SRM: variants seen among roughly 807,000 people sequenced by gnomAD.
The protein encoded by SRM is spermidine synthase, also known as putrescine aminopropyltransferase.
Under a neutral mutation model 39.3 loss-of-function variants are expected in SRM, and 14 were observed. The ratio of observed to expected loss-of-function variants is 0.36; its 90% CI spans 0.24 to 0.56. The LOEUF is 0.56. Among genes scored for constraint, SRM ranks in the 20% least tolerant of loss-of-function variants. The pLI is 0.86. For missense variants in SRM, 244 were observed against 409.2 expected (o/e 0.60, Z 3.48); for synonymous variants, 195 against 173.1 (o/e 1.13, Z -0.99).
At position 11,054,600 on chromosome 1, in the gene SRM, T is replaced by C. The variant is rs1043216058; in HGVS notation, c.*265A>G. Reference sequence around the variant, plus strand: ...ACAGGACTCCAATCTTTGCTATAAATACACGTGTTTGGTGAGTGAGGGGCA... The same window carrying C: ...ACAGGACTCCAATCTTTGCTATAAACACACGTGTTTGGTGAGTGAGGGGCA... On this transcript the variant is annotated 3_prime_UTR_variant, in exon 8 of 8. Transcript: ENST00000376957. The surrounding 1 kb of genome is among the most constrained non-coding windows in gnomAD (Gnocchi z 4.8). 13 of 521,940 alleles carry C rather than the reference T, an allele frequency of 2.5e-5. No homozygotes were observed. The highest frequency in any genetic ancestry group is 2.2e-4 in the Admixed American group (6 of 27,572). The allele number at this position is 521,940 out of a possible 1,614,324, so 32.3% of individuals were successfully genotyped here. A position where few individuals can be genotyped will look rare whatever the true frequency, so the allele number is the denominator to read the frequency against.
At chr1:11,057,330 T>C (rs1638896989) in intron 3 of SRM, among the ~76,000 whole-genome samples, 1 of 151,818 alleles carries the variant, frequency 6.6e-6, no homozygotes, top group South Asian at 2.1e-4. Flanking sequence ...CCTATTTTAT[T>C]TATTTTTCGA....
chr1:11,054,789 G>A lies in SRM; in HGVS notation c.*76C>T, dbSNP rs867521702. 7.9e-5 allele frequency: 120 copies of A among 1,520,084 alleles called. No individual in the cohort carries two copies. The highest frequency in any genetic ancestry group is 2.8e-4 in the African/African-American group (20 of 72,202). 94.2% of individuals were successfully genotyped at this position (1,520,084 alleles called of 1,614,324 possible). A position where few individuals can be genotyped will look rare whatever the true frequency, so the allele number is the denominator to read the frequency against. On this transcript the variant is annotated 3_prime_UTR_variant, in exon 8 of 8. Coordinates refer to ENST00000376957, the MANE Select transcript of SRM (RefSeq NM_003132.3). This position sits in a 1 kb window ranked among gnomAD's most constrained non-coding sequence, Gnocchi z 4.8. The stretch of plus-strand genomic sequence containing the variant: ...CGAGAGCCAGCAGGAGGTCCGGCCC[G>A]GGGCTGGAGGGGCCGAGGCACCCCG...
At position 11,056,113 on chromosome 1, in the gene SRM, GAC is replaced by G. The variant is rs1263562701; in HGVS notation, c.536-21_536-20del. ...GCGGGGCCTGGGGAAGACAGAGGGA[GAC>G]ACACTGAACAGTCTGGCTGTGACCT... On this transcript the variant is annotated intron_variant, in intron 4 of 7. Coordinates refer to ENST00000376957, the MANE Select transcript of SRM (RefSeq NM_003132.3). 1 of 1,595,594 alleles carries G rather than the reference GAC, an allele frequency of 6.3e-7. No individual in the cohort carries two copies. The highest frequency in any genetic ancestry group is 8.5e-7 in the Non-Finnish European group (1 of 1,170,668).
chr1:11,056,844 A>T, intron 3 of SRM, 87 bp from the exon 4 acceptor site: 1 of 1,455,198 alleles, frequency 6.9e-7, no homozygotes, highest in Non-Finnish European at 9.5e-7. Context: ...CAAGTGCCTC[A>T]CAGGCAAGCC....
intron 3 of SRM, 114 bp downstream of exon 3, chr1:11,058,686 T>C (rs1461450217): frequency 7.6e-6 from 7 of 917,356 alleles, no homozygotes; most frequent in East Asian, 2.8e-5. Context: ...CCAGGTGTTT[T>C]CCAGATGGAG....
At position 11,054,852 on chromosome 1, in the gene SRM, GTGGCGCC is replaced by G; in HGVS notation, c.*6_*12del. ...TCCGAGGTCCTGGGTGGCATCAGTGGTGGCGCCTGGGCTCAGCTCACATCATTCAGGG... is the reference window on the plus strand; with the variant it reads ...TCCGAGGTCCTGGGTGGCATCAGTGGTGGGCTCAGCTCACATCATTCAGGG... On this transcript the variant is annotated 3_prime_UTR_variant, in exon 8 of 8. Transcript: ENST00000376957. This position sits in a 1 kb window ranked among gnomAD's most constrained non-coding sequence, Gnocchi z 4.8. 1 of 1,600,710 alleles carries G rather than the reference GTGGCGCC, an allele frequency of 6.2e-7. No homozygotes were observed. Among genetic ancestry groups the G allele is most frequent in the Non-Finnish European group, 8.5e-7 (1 of 1,172,298 alleles).
At chr1:11,056,874 C>CT in intron 3 of SRM, 117 bp from the exon 4 acceptor site, 49 of 1,013,978 alleles carry the variant, frequency 4.8e-5, no homozygotes, top group Non-Finnish European at 6.2e-5. Context: ...AACCCCTTCC[C>CT]TTTTTTTTAT....
chr1:11,055,744 T>TGC, intron 6 of SRM, 37 bp downstream of exon 6: 46 of 1,336,604 alleles, frequency 3.4e-5, no homozygotes, highest in East Asian at 5.4e-5. Flanking sequence ...ATGCCCACCT[T>TGC]CCCCCCAACC....
At chr1:11,056,317 G>C (rs184853623) in intron 4 of SRM, among the ~76,000 whole-genome samples, 1 of 152,186 alleles carries the variant, frequency 6.6e-6, no homozygotes, top group Non-Finnish European at 1.5e-5. Flanking sequence ...CTCCAGTGCT[G>C]ACCACTTCAG....
Position 11,056,822 on chromosome 1 carries a change from C to T in SRM, c.382-65G>A, listed in dbSNP as rs141512938. Reference sequence around the variant, plus strand: ...GGGGGACCTGGAGCCAGCACAGCCACGTGGGACTCTCCAAGTGCCTCACAG... The same window carrying T: ...GGGGGACCTGGAGCCAGCACAGCCATGTGGGACTCTCCAAGTGCCTCACAG... On this transcript the variant is annotated intron_variant, in intron 3 of 7. Coordinates refer to ENST00000376957, the MANE Select transcript of SRM (RefSeq NM_003132.3). 1.6e-3 allele frequency: 2,447 copies of T among 1,577,038 alleles called. 41 individuals carry two copies. The African/African-American group carries it at 0.022, about 14-fold the overall frequency.
chr1:11,058,510 G>T (rs1478648615), intron 3 of SRM, among the ~76,000 whole-genome samples: 1 of 148,218 alleles, frequency 6.7e-6, no homozygotes, highest in South Asian at 2.1e-4. Flanking sequence ...GCAGTGAGCC[G>T]AGATCGCACC....
chr1:11,055,182 A>G (rs1638850414), intron 6 of SRM, 98 bp from the exon 7 acceptor site: 1 of 1,448,256 alleles, frequency 6.9e-7, no homozygotes, highest in African/African-American at 1.5e-5. Context: ...CAGTGGCGTC[A>G]TCTCAGCTCA....
chr1:11,058,026 G>A (rs774299817), intron 3 of SRM, among the ~76,000 whole-genome samples: 5 of 152,094 alleles, frequency 3.3e-5, no homozygotes, highest in Non-Finnish European at 7.4e-5. Context: ...TGATCTGCCC[G>A]CCTTGGCGTC....
intron 3 of SRM, among the ~76,000 whole-genome samples, chr1:11,057,486 G>A (rs1386680668): frequency 1.6e-4 from 20 of 123,350 alleles, no homozygotes; most frequent in Admixed American, 1.1e-3. Context: ...TTTATTTTTA[G>A]TAGAGACCTT....
intron 1 of SRM, 138 bp from the exon 2 acceptor site, chr1:11,059,483 G>A (rs1408245678): frequency 6.9e-7 from 1 of 1,458,862 alleles, no homozygotes; most frequent in Non-Finnish European, 9.3e-7. Context: ...ACGTGGCGAG[G>A]AACGGCAGGC....
At chr1:11,059,460 G>A (rs1557683935) in intron 1 of SRM, 115 bp from the exon 2 acceptor site, 1 of 1,518,994 alleles carries the variant, frequency 6.6e-7, no homozygotes, top group Non-Finnish European at 8.9e-7. Context: ...CAGGGATGAG[G>A]AGCGATGGTG....
intron 5 of SRM, 42 bp from the exon 6 acceptor site, chr1:11,055,968 G>GCCC (rs2100920459): frequency 1.9e-6 from 3 of 1,585,350 alleles, no homozygotes; most frequent in Non-Finnish European, 2.6e-6. Context: ...GGCCTGCCCT[G>GCCC]CCCCACCCCG....
Position 11,059,883 on chromosome 1 carries a change from A to G in SRM, c.61T>C (p.Phe21Leu). Reference sequence around the variant, plus strand: ...GGCCACAGGCTGCAGGTCTCGCGGAACCAGCCCTCGCGGATGGCGGCGGGG... The same window carrying G: ...GGCCACAGGCTGCAGGTCTCGCGGAGCCAGCCCTCGCGGATGGCGGCGGGG... ...SGPAAIREGW[F>L]RETCSLWPGQ... Residue 21 changes from phenylalanine (F) to leucine (L), a missense_variant, in exon 1 of 8, where the codon TTC becomes CTC. Physicochemically the swap from Phe to Leu is conservative, Grantham distance 22. Coordinates refer to ENST00000376957, the MANE Select transcript of SRM (RefSeq NM_003132.3). 1.3e-6 allele frequency: 2 copies of G among 1,493,848 alleles called. No individual in the cohort carries two copies. The highest frequency in any genetic ancestry group is 1.8e-6 in the Non-Finnish European group (2 of 1,128,426). 92.5% of individuals were successfully genotyped at this position (1,493,848 alleles called of 1,614,324 possible). A position where few individuals can be genotyped will look rare whatever the true frequency, so the allele number is the denominator to read the frequency against.
rs184349605 is a variant in SRM, at chr1:11,056,889, T to A, written c.382-132A>T. 812 of 890,444 alleles carry A rather than the reference T, an allele frequency of 9.1e-4. 6 individuals are homozygous for A. Among genetic ancestry groups the A allele is most frequent in the African/African-American group, 7.4e-3 (442 of 59,374 alleles). 55.2% of individuals were successfully genotyped at this position (890,444 alleles called of 1,614,324 possible). ...AACCCCTTCCCTTTTTTTTATTATT[T>A]TTTTTTGAGACAGGGTCTCACTTTG... On this transcript the variant is annotated intron_variant, in intron 3 of 7. Coordinates refer to ENST00000376957, the MANE Select transcript of SRM (RefSeq NM_003132.3).
Sources: allele counts gnomAD v4.1 joint callset (sites outside exome capture counted in the v4.1 genomes callset), GRCh38; gene constraint gnomAD v4.1.1; non-coding constraint Gnocchi (gnomAD v3.1); transcripts MANE v1.5; gene names NCBI Gene and HGNC (gene_info 2026-07-23, HGNC 2026-07-21).